Variants in CYTH1 observed in about 807,000 individuals in gnomAD.
CYTH1 encodes cytohesin 1.
A neutral mutation model predicts 61.8 loss-of-function variants in CYTH1; 18 were observed. That is an observed-to-expected ratio of 0.29 (90% CI 0.20 to 0.43). The LOEUF (loss-of-function observed/expected upper bound fraction) is 0.43, where lower values mean the gene tolerates loss of function less well. CYTH1 is among the 20% of genes least tolerant of loss of function. CYTH1 has a pLI of 1.00. For synonymous variants in CYTH1, 174 were observed against 184.3 expected (o/e 0.94, Z 0.45); for missense variants, 336 against 510.5 (o/e 0.66, Z 3.29).
intron 1 of CYTH1, among the ~76,000 whole-genome samples, chr17:78,719,203 G>C (rs1338774711): frequency 6.6e-6 from 1 of 152,194 alleles, no homozygotes; most frequent in African/African-American, 2.4e-5. Flanking sequence ...TCACCAGCTG[G>C]ATGACCCTGG....
At chr17:78,706,267 C>G (rs923141541) in intron 3 of CYTH1, among the ~76,000 whole-genome samples, 2 of 152,152 alleles carry the variant, frequency 1.3e-5, no homozygotes, top group Non-Finnish European at 2.9e-5. Context: ...CCTGTAAGTT[C>G]CCTATGGCCC....
Position 78,717,234 on chromosome 17 carries a change from G to T in CYTH1, c.23-7502C>A, listed in dbSNP as rs12951261. 0.053 allele frequency among the ~76,000 whole-genome samples: 8,040 copies of T among 152,168 alleles called. 382 individuals are homozygous for T. The highest frequency in any genetic ancestry group is 0.15 in the South Asian group (724 of 4,822). ...TGAGCACAATGGAGACAAACCAGAG[G>T]GGGAGCCGCCCTGACACACCACCCG... On this transcript the variant is annotated intron_variant, in intron 1 of 13. Coordinates refer to ENST00000446868, the MANE Select transcript of CYTH1 (RefSeq NM_004762.6). The surrounding 1 kb of genome is among the most constrained non-coding windows in gnomAD (Gnocchi z 4.4).
In CYTH1 at chr17:78,700,793, G is replaced by C. The variant is rs1337054130; in HGVS notation, c.438-350C>G. On this transcript the variant is annotated intron_variant, in intron 6 of 13. Transcript: ENST00000446868. This position sits in a 1 kb window ranked among gnomAD's most constrained non-coding sequence, Gnocchi z 5.1. ...ACCCGCCTCAGCCTCCCAAAGTGCT[G>C]GGAGTACAGGTGTGAGCCACGGTGC... 2.0e-5 allele frequency among the ~76,000 whole-genome samples: 3 copies of C among 152,152 alleles called. No homozygotes were observed. Among genetic ancestry groups the C allele is most frequent in the Non-Finnish European group, 4.4e-5 (3 of 68,030 alleles).
intron 1 of CYTH1, among the ~76,000 whole-genome samples, chr17:78,749,169 A>C (rs752022170): frequency 1.3e-5 from 2 of 152,208 alleles, no homozygotes; most frequent in African/African-American, 2.4e-5. Flanking sequence ...TGGGAGGCCA[A>C]GGTGGGAGGA....
intron 10 of CYTH1, 144 bp downstream of exon 10, chr17:78,695,863 A>G: frequency 8.2e-7 from 1 of 1,221,082 alleles, no homozygotes; most frequent in South Asian, 1.4e-5. Flanking sequence ...CCAGTTCCCT[A>G]GGGACTGTAC....
At chr17:78,713,177 A>C (rs2093151354) in intron 1 of CYTH1, among the ~76,000 whole-genome samples, 1 of 152,088 alleles carries the variant, frequency 6.6e-6, no homozygotes, top group Admixed American at 6.5e-5. Context: ...TTGAAAAACA[A>C]CATCAACTCT....
chr17:78,742,216 C>G (rs2093344426), intron 1 of CYTH1, among the ~76,000 whole-genome samples: 1 of 152,220 alleles, frequency 6.6e-6, no homozygotes, highest in South Asian at 2.1e-4. Context: ...TCACTATACA[C>G]TGCTATGAAA....
Position 78,733,076 on chromosome 17 carries a change from C to CAA in CYTH1, c.23-23346_23-23345dup, listed in dbSNP as rs56020680. ...CTGGCAACAGAGTGAGACTCCATCT[C>CAA]AAAAAAAAAAAAAAAAAAAAAAAAA... On this transcript the variant is annotated intron_variant, in intron 1 of 13. Transcript: ENST00000446868. Among the ~76,000 whole-genome samples the CAA allele has an allele frequency of 2.4e-3, 116 of 47,726 alleles. 5 individuals carry two copies. The highest frequency in any genetic ancestry group is 9.9e-3 in the African/African-American group (103 of 10,384). 31.3% of individuals were successfully genotyped at this position (47,726 alleles called of 152,430 possible).
At chr17:78,749,667 A>T (rs2093372275) in intron 1 of CYTH1, among the ~76,000 whole-genome samples, 1 of 151,830 alleles carries the variant, frequency 6.6e-6, no homozygotes, top group East Asian at 1.9e-4. Context: ...TAAAAAAATA[A>T]AAAAAAACCT....
chr17:78,747,170 A>AAAAAAAAAAAAC (rs1567872924), intron 1 of CYTH1, among the ~76,000 whole-genome samples: 4 of 148,904 alleles, frequency 2.7e-5, no homozygotes, highest in African/African-American at 1.0e-4. Flanking sequence ...AAAAAAAAAA[A>AAAAAAAAAAAAC]GAAAAAACTA....
At chr17:78,750,530 C>T (rs966268581) in intron 1 of CYTH1, among the ~76,000 whole-genome samples, 3 of 152,084 alleles carry the variant, frequency 2.0e-5, no homozygotes, top group Non-Finnish European at 4.4e-5. Context: ...TTGCTGTTGC[C>T]GGGCACAGTG....
rs965237760 is a variant in CYTH1 at position 78,703,196 on chromosome 17, A to G, written c.171-592T>C. Among the ~76,000 whole-genome samples the G allele has an allele frequency of 2.6e-5, 4 of 151,700 alleles. No individual in the cohort carries two copies. The East Asian group carries it at 5.8e-4, about 22-fold the overall frequency. On this transcript the variant is annotated intron_variant, in intron 3 of 13. Transcript: ENST00000446868. The stretch of plus-strand genomic sequence containing the variant: ...TGGGAGGCCGAGGTGGGTGGATCAC[A>G]AGGTCAGGAGTTCAAGACCAGCCCA...
chr17:78,677,828 C>T (rs868573483), intron 13 of CYTH1: 1 of 152,300 alleles, frequency 6.6e-6, no homozygotes, highest in African/African-American at 2.4e-5. Context: ...AATGTTTCCA[C>T]TGGGAGGAGT....
chr17:78,755,137 C>T (rs1342086314), intron 1 of CYTH1, among the ~76,000 whole-genome samples: 1 of 152,160 alleles, frequency 6.6e-6, no homozygotes, highest in Non-Finnish European at 1.5e-5. Context: ...AAAGGAACAA[C>T]TGATACCCCC....
intron 11 of CYTH1, among the ~76,000 whole-genome samples, chr17:78,687,825 T>C (rs575426485): frequency 6.6e-6 from 1 of 152,348 alleles, no homozygotes; most frequent in East Asian, 1.9e-4. Flanking sequence ...TCCTGACCTA[T>C]ATTCTGTGTC....
chr17:78,693,694 A>G (rs2144196155), intron 10 of CYTH1, among the ~76,000 whole-genome samples: 1 of 152,198 alleles, frequency 6.6e-6, no homozygotes, highest in East Asian at 1.9e-4. Context: ...GACAGACATG[A>G]AGGAAGGAAA....
intron 1 of CYTH1, among the ~76,000 whole-genome samples, chr17:78,761,935 C>T (rs1353864336): frequency 6.6e-6 from 1 of 152,108 alleles, no homozygotes; most frequent in Non-Finnish European, 1.5e-5. Flanking sequence ...GAAATTAAAC[C>T]AAATGAGCCT....
intron 4 of CYTH1, 39 bp from the exon 5 acceptor site, chr17:78,702,279 G>A (rs1254724808): frequency 7.8e-6 from 12 of 1,533,992 alleles, no homozygotes; most frequent in South Asian, 2.2e-5. Context: ...ATGCTTTGCT[G>A]GGAAACAGTT....
At chr17:78,772,607 G>A (rs35263260) in intron 1 of CYTH1, among the ~76,000 whole-genome samples, 3,009 of 151,554 alleles carry the variant, frequency 0.02, 81 homozygotes, top group South Asian at 0.12. Context: ...GCGCGATCTC[G>A]GCTCACTGCA....
Sources: gnomAD v4.1 joint callset for allele counts (sites outside exome capture counted in the v4.1 genomes callset) on GRCh38, gnomAD v4.1.1 for gene constraint, Gnocchi (gnomAD v3.1) non-coding constraint, MANE v1.5 for transcripts, NCBI Gene and HGNC (gene_info 2026-07-23, HGNC 2026-07-21) for gene names.